The following BICD2 variants were observed in gnomAD, a reference collection of about 807,000 sequenced individuals.
BICD2 encodes protein bicaudal D homolog 2.
Under a neutral mutation model 72.9 loss-of-function variants are expected in BICD2, and 25 were observed. The ratio of observed to expected loss-of-function variants is 0.34; its 90% CI spans 0.25 to 0.48. The LOEUF (loss-of-function observed/expected upper bound fraction) is 0.48. BICD2 is among the 20% of genes least tolerant of loss of function. The pLI, the probability that BICD2 is intolerant of heterozygous loss-of-function variation, is 0.99. For missense variants in BICD2, 894 were observed against 1,175.2 expected (o/e 0.76, Z 3.50); for synonymous variants, 501 against 516.1 (o/e 0.97, Z 0.40).
chr9:92,763,462 G>A (rs1854413527), intron 1 of BICD2, among the ~76,000 whole-genome samples: 1 of 152,140 alleles, frequency 6.6e-6, no homozygotes, highest in African/African-American at 2.4e-5. Context: ...TGGGCACGCA[G>A]TACTGCACTC....
Position 92,714,801 on chromosome 9 carries a change from C to G in BICD2, c.*353G>C, listed in dbSNP as rs567503840. ...ACTCAGGTTCTGCCCCTTTTGGGTG[C>G]TGAGGGAGCAGGACCAGGACTCCTC... On this transcript the variant is annotated 3_prime_UTR_variant, in exon 7 of 7. Transcript: ENST00000356884. 9.5e-7 allele frequency: 1 copy of G among 1,047,932 alleles called. No individual in the cohort carries two copies. Among genetic ancestry groups the G allele is most frequent in the African/African-American group, 1.7e-5 (1 of 59,638 alleles). The allele number at this position is 1,047,932 out of a possible 1,614,324, so 64.9% of individuals were successfully genotyped here. A position where few individuals can be genotyped will look rare whatever the true frequency, so the allele number is the denominator to read the frequency against.
At chr9:92,742,174 CA>C (rs1393063088) in intron 1 of BICD2, among the ~76,000 whole-genome samples, 2 of 152,164 alleles carry the variant, frequency 1.3e-5, no homozygotes, top group Non-Finnish European at 2.9e-5. Flanking sequence ...GAAGCTGCCT[CA>C]AATCTTCTGG....
intron 4 of BICD2, 69 bp from the exon 5 acceptor site, chr9:92,719,651 A>T (rs1165568747): frequency 8.2e-6 from 12 of 1,464,768 alleles, no homozygotes; most frequent in Non-Finnish European, 1.0e-5. Flanking sequence ...AGGACCCCCA[A>T]GATGGCCTAG....
chr9:92,718,923 G>GCTGGTGCGGCCCCCGGGA lies in BICD2; in HGVS notation c.1704_1721dup (p.Gly570_Pro575dup), dbSNP rs998616675. 38 of 1,607,506 alleles carry GCTGGTGCGGCCCCCGGGA rather than the reference G, an allele frequency of 2.4e-5. No individual in the cohort carries two copies. Among genetic ancestry groups the GCTGGTGCGGCCCCCGGGA allele is most frequent in the Non-Finnish European group, 3.0e-5 (35 of 1,178,760 alleles). ...GTGAGCGCCGGCCACGCGCCTCGGG[G>GCTGGTGCGGCCCCCGGGA]CTGGTGCGGCCCCCGGGACTGGTGC... On this transcript the variant is annotated inframe_insertion, in exon 5 of 7. Transcript: ENST00000356884.
intron 1 of BICD2, among the ~76,000 whole-genome samples, chr9:92,760,508 G>C (rs1279543186): frequency 2.0e-5 from 3 of 152,166 alleles, no homozygotes; most frequent in Non-Finnish European, 4.4e-5. Context: ...CGATGTGGGA[G>C]TTTCAGACAT....
At position 92,764,546 on chromosome 9, in the gene BICD2, C is replaced by A; in HGVS notation, c.199G>T (p.Asp67Tyr). The change falls in exon 1 of 7, where the codon GAC (aspartate) becomes TAC (tyrosine). Residue 67 changes from aspartate to tyrosine, a missense_variant. By Grantham distance (160) the Asp-to-Tyr change is radical. This residue lies in a region of BICD2 where 192 missense variants were observed against 243.6 expected (regional missense o/e 0.79). Coordinates refer to ENST00000356884, the MANE Select transcript of BICD2 (RefSeq NM_001003800.2). The surrounding 1 kb of genome is among the most constrained non-coding windows in gnomAD (Gnocchi z 5.5). ...LKLQFEELEV[D>Y]YEAIRSEMEQ... ...ATCTCGCTGCGGATAGCCTCATAGT[C>A]CACCTCGAGCTCCTCGAACTGCAGC... 6.5e-7 allele frequency: 1 copy of A among 1,545,856 alleles called. No individual in the cohort carries two copies. Among genetic ancestry groups the A allele is most frequent in the Non-Finnish European group, 8.7e-7 (1 of 1,145,546 alleles).
intron 1 of BICD2, among the ~76,000 whole-genome samples, chr9:92,743,361 T>TC: frequency 6.7e-6 from 1 of 149,438 alleles, no homozygotes; most frequent in South Asian, 2.2e-4. Flanking sequence ...CCAGCTTTTT[T>TC]TTTTTTTTTT....
In BICD2 at chr9:92,719,524, T is replaced by C. The variant is rs2131501343; in HGVS notation, c.1121A>G (p.Glu374Gly). The change falls in exon 5 of 7, where the codon GAG becomes GGG. Residue 374 changes from glutamate to glycine, a missense_variant. By Grantham distance (98) the Glu-to-Gly change is moderately conservative (BLOSUM62 -2). This residue lies in a region of BICD2 where 371 missense variants were observed against 439.1 expected (regional missense o/e 0.84). Coordinates refer to ENST00000356884, the MANE Select transcript of BICD2 (RefSeq NM_001003800.2). ...TTCTGACAGGGAGCCCCGCGTGTGCTCCAGCTGCTTCTGTGTGTCCTGCAG... is the reference window on the plus strand; with the variant it reads ...TTCTGACAGGGAGCCCCGCGTGTGCCCCAGCTGCTTCTGTGTGTCCTGCAG... ...ATLQDTQKQL[E>G]HTRGSLSEQQ... 6.2e-7 allele frequency: 1 copy of C among 1,613,130 alleles called. No homozygotes were observed. Among genetic ancestry groups the C allele is most frequent in the Non-Finnish European group, 8.5e-7 (1 of 1,179,946 alleles).
rs1193948188 is a variant in BICD2 at position 92,720,121 on chromosome 9, TCTCTGAGACTC to T, written c.1062+168_1062+178del. Among the ~76,000 whole-genome samples the T allele has an allele frequency of 6.6e-6, 1 of 152,226 alleles. No individual in the cohort carries two copies. Among genetic ancestry groups the T allele is most frequent in the Admixed American group, 6.5e-5 (1 of 15,286 alleles). ...GGTGCTGCAGTGCCAGGAAACCACTTCTCTGAGACTCCTCTATGTGTGCTCCTGGAGTTCCA... is the reference window on the plus strand; with the variant it reads ...GGTGCTGCAGTGCCAGGAAACCACTTCTCTATGTGTGCTCCTGGAGTTCCA... On this transcript the variant is annotated intron_variant, in intron 4 of 6. Coordinates refer to ENST00000356884, the MANE Select transcript of BICD2 (RefSeq NM_001003800.2). This position sits in a 1 kb window ranked among gnomAD's most constrained non-coding sequence, Gnocchi z 5.4.
At position 92,714,617 on chromosome 9, in the gene BICD2, G is replaced by T. The variant is rs1005779833; in HGVS notation, c.*537C>A. 2 of 985,722 alleles carry T rather than the reference G, an allele frequency of 2.0e-6. No homozygotes were observed. The highest frequency in any genetic ancestry group is 2.4e-6 in the Non-Finnish European group (2 of 830,148). The allele number at this position is 985,722 out of a possible 1,614,324, so 61.1% of individuals were successfully genotyped here. ...TGCACTTCTTTCCTGAATATGATTT[G>T]CAGTCAGATACTGCATAAACTACAA... On this transcript the variant is annotated 3_prime_UTR_variant, in exon 7 of 7. Transcript: ENST00000356884.
intron 2 of BICD2, among the ~76,000 whole-genome samples, chr9:92,723,708 T>C (rs1180385515): frequency 6.6e-6 from 1 of 152,220 alleles, no homozygotes; most frequent in Non-Finnish European, 1.5e-5. Flanking sequence ...GTAAATCACC[T>C]GAATAAAGCT....
chr9:92,756,236 C>T lies in BICD2; in HGVS notation c.240+8269G>A, dbSNP rs564388978. On this transcript the variant is annotated intron_variant, in intron 1 of 6. Transcript: ENST00000356884. ...ATGCAAGAGCCAAGCCATGATGCAT[C>T]AGCTGAAGGAGGCACCCTGGCTACT... Among the ~76,000 whole-genome samples, 3 of 151,594 alleles carry T rather than the reference C, an allele frequency of 2.0e-5. 1 individual carries two copies. Among genetic ancestry groups the T allele is most frequent in the Admixed American group, 2.0e-4 (3 of 15,204 alleles).
rs753614371 is a variant in BICD2 at position 92,715,200 on chromosome 9, G to A, written c.2522C>T (p.Ala841Val). The stretch of plus-strand genomic sequence containing the variant: ...CTTCTCGCTGCAGAACACCTGGTTG[G>A]CCAGCCCGGTGCCCTCGGCCCTGTC... The part of the protein sequence containing the change: ...ASDRAEGTGL[A>V]NQVFCSEKHS... The change falls in exon 7 of 7, where the codon GCC becomes GTC. Residue 841 changes from alanine to valine, a missense_variant. Physicochemically the swap from Ala to Val is moderately conservative, Grantham distance 64. Around this residue, in one of 5 missense-constraint regions of BICD2, gnomAD observed 321 missense variants for 443.9 expected, o/e 0.72. Coordinates refer to ENST00000356884, the MANE Select transcript of BICD2 (RefSeq NM_001003800.2). The A allele has an allele frequency of 4.3e-6, 7 of 1,610,040 alleles. No homozygotes were observed. Among genetic ancestry groups the A allele is most frequent in the Non-Finnish European group, 5.9e-6 (7 of 1,177,622 alleles).
At chr9:92,717,132 G>A (rs1564058770) in intron 6 of BICD2, among the ~76,000 whole-genome samples, 2 of 152,108 alleles carry the variant, frequency 1.3e-5, no homozygotes, top group Admixed American at 6.5e-5. Flanking sequence ...AAGTTCTTGG[G>A]GGCAAATACC....
chr9:92,737,632 A>G (rs1257291946), intron 1 of BICD2, among the ~76,000 whole-genome samples: 1 of 151,918 alleles, frequency 6.6e-6, no homozygotes, highest in Non-Finnish European at 1.5e-5. Flanking sequence ...ACGACCAACA[A>G]CAGGTTACAG....
intron 2 of BICD2, among the ~76,000 whole-genome samples, chr9:92,723,906 G>A (rs1175314917): frequency 2.0e-5 from 3 of 152,148 alleles, no homozygotes; most frequent in African/African-American, 4.8e-5. Flanking sequence ...TCTTTGTGGT[G>A]GGAGCCGGCC....
intron 1 of BICD2, among the ~76,000 whole-genome samples, chr9:92,742,625 C>T (rs916484266): frequency 2.6e-5 from 4 of 152,076 alleles, no homozygotes; most frequent in African/African-American, 7.2e-5. Flanking sequence ...CCTCGTGATC[C>T]GCCCACCTCG....
At chr9:92,743,071 T>TC (rs1284396173) in intron 1 of BICD2, among the ~76,000 whole-genome samples, 1 of 152,242 alleles carries the variant, frequency 6.6e-6, no homozygotes, top group African/African-American at 2.4e-5. Context: ...ACAAGGGCTA[T>TC]CCCATTTTAT....
At position 92,720,282 on chromosome 9, in the gene BICD2, G is replaced by T; in HGVS notation, c.1062+18C>A. ...CTGGAGTGGGGACAGCGTGCCGAAG[G>T]CCCCACTGCCTGCTCACCTGCATCA... On this transcript the variant is annotated intron_variant, in intron 4 of 6. Coordinates refer to ENST00000356884, the MANE Select transcript of BICD2 (RefSeq NM_001003800.2). This position sits in a 1 kb window ranked among gnomAD's most constrained non-coding sequence, Gnocchi z 5.4. 6.3e-7 allele frequency: 1 copy of T among 1,594,096 alleles called. No individual in the cohort carries two copies. Among genetic ancestry groups the T allele is most frequent in the Non-Finnish European group, 8.5e-7 (1 of 1,169,592 alleles).
Sources: allele counts gnomAD v4.1 joint callset (sites outside exome capture counted in the v4.1 genomes callset), GRCh38; gene constraint gnomAD v4.1.1; regional missense constraint gnomAD v4.1.1; non-coding constraint Gnocchi (gnomAD v3.1); transcripts MANE v1.5; gene names NCBI Gene and HGNC (gene_info 2026-07-23, HGNC 2026-07-21).